Variants in GFRA2 observed in about 807,000 individuals in gnomAD.
GFRA2 encodes the protein GDNF family receptor alpha 2.
GFRA2 carries 17 observed loss-of-function variants against 48.3 expected under a neutral mutation model. That is an observed-to-expected ratio of 0.35 (90% CI 0.24 to 0.53). GFRA2 has a LOEUF of 0.53. Among genes scored for constraint, GFRA2 ranks in the 20% least tolerant of loss-of-function variants. The pLI is 0.93. For synonymous variants in GFRA2, 305 were observed against 257.2 expected, an observed-to-expected ratio of 1.19 and a Z score of -1.78; for missense variants, 660 against 637.3, an observed-to-expected ratio of 1.04 and a Z score of -0.38.
chr8:21,753,710 A>G (rs573656160), intron 3 of GFRA2, among the ~76,000 whole-genome samples: 1 of 152,346 alleles, frequency 6.6e-6, no homozygotes, highest in African/African-American at 2.4e-5. Context: ...GGTATTTTTG[A>G]TCTATGATGT....
Position 21,788,804 on chromosome 8 carries a change from G to C in GFRA2, c.-645C>G. On this transcript the variant is annotated 5_prime_UTR_variant, in exon 1 of 9. Coordinates refer to ENST00000524240, the MANE Select transcript of GFRA2 (RefSeq NM_001495.5). ...AGTGACCGTGTGTCTCTGCGTGCGT[G>C]TGTCTTTCTCTCTCCTCTCTCTCTC... 1 of 985,378 alleles carries C rather than the reference G, an allele frequency of 1.0e-6. No individual in the cohort carries two copies. The highest frequency in any genetic ancestry group is 1.2e-6 in the Non-Finnish European group (1 of 829,908). The allele number at this position is 985,378 out of a possible 1,614,324, so 61.0% of individuals were successfully genotyped here. A position where few individuals can be genotyped will look rare whatever the true frequency, so the allele number is the denominator to read the frequency against.
intron 2 of GFRA2, among the ~76,000 whole-genome samples, chr8:21,777,765 C>A (rs1806779505): frequency 6.6e-6 from 1 of 152,178 alleles, no homozygotes; most frequent in African/African-American, 2.4e-5. Context: ...GAAAAGGGAC[C>A]TGGATAAGGA....
intron 1 of GFRA2, chr8:21,783,216 G>A (rs1337245034): frequency 3.9e-6 from 2 of 511,632 alleles, no homozygotes; most frequent in South Asian, 1.7e-5. Context: ...GAGCCCAGAG[G>A]AGAATGTCAC....
At chr8:21,694,873 T>C (rs1239918851) in intron 7 of GFRA2, among the ~76,000 whole-genome samples, 1 of 152,216 alleles carries the variant, frequency 6.6e-6, no homozygotes, top group Non-Finnish European at 1.5e-5. Context: ...GTCTGGTTCA[T>C]AACAACAACT....
At chr8:21,739,762 G>C (rs1454252597) in intron 4 of GFRA2, among the ~76,000 whole-genome samples, 1 of 152,188 alleles carries the variant, frequency 6.6e-6, no homozygotes, top group African/African-American at 2.4e-5. Flanking sequence ...GCAGGAGCCA[G>C]GGGCACCTCT....
chr8:21,743,075 G>A (rs527978891), intron 4 of GFRA2, among the ~76,000 whole-genome samples: 10 of 152,148 alleles, frequency 6.6e-5, no homozygotes, highest in South Asian at 2.1e-4. Context: ...TCAACATGTC[G>A]CGGGAAATTC....
At chr8:21,715,903 G>C (rs1196096501) in intron 4 of GFRA2, among the ~76,000 whole-genome samples, 1 of 152,216 alleles carries the variant, frequency 6.6e-6, no homozygotes, top group Non-Finnish European at 1.5e-5. Context: ...ACGAGAGAGA[G>C]AGAGACCAAG....
intron 2 of GFRA2, among the ~76,000 whole-genome samples, chr8:21,795,573 A>C (rs1462228100): frequency 6.6e-6 from 1 of 151,980 alleles, no homozygotes; most frequent in Non-Finnish European, 1.5e-5. Context: ...TTGTATTTTT[A>C]GTAGAGACAG....
chr8:21,766,701 C>T (rs137995402), intron 3 of GFRA2, among the ~76,000 whole-genome samples: 7 of 148,462 alleles, frequency 4.7e-5, no homozygotes, highest in African/African-American at 1.8e-4. Flanking sequence ...CCCTGATGGT[C>T]GGAGCTGAGA....
Position 21,702,942 on chromosome 8 carries a change from C to T in GFRA2, c.1081G>A (p.Val361Met), listed in dbSNP as rs764265749. 10 of 1,552,838 alleles carry T rather than the reference C, an allele frequency of 6.4e-6. No individual in the cohort carries two copies. Among genetic ancestry groups the T allele is most frequent in the East Asian group, 4.6e-5 (2 of 43,252 alleles). Residue 361 changes from valine (V) to methionine (M), a missense_variant, in exon 7 of 9, where the codon GTG (valine) becomes ATG (methionine). Coordinates refer to ENST00000524240, the MANE Select transcript of GFRA2 (RefSeq NM_001495.5). ...GAGGGGCCTTTTGGGGACACGTTCA[C>T]GTCCGTGCCGTTGCCAAAGGCCTGG... ...AIQAFGNGTD[V>M]NVSPKGPSFQ...
chr8:21,755,478 C>A (rs1249394991), intron 3 of GFRA2, among the ~76,000 whole-genome samples: 1 of 152,204 alleles, frequency 6.6e-6, no homozygotes, highest in East Asian at 1.9e-4. Flanking sequence ...ATTAATATAT[C>A]TTTAATGAGG....
chr8:21,692,397 G>GGT lies in GFRA2; in HGVS notation c.*880_*881insAC, dbSNP rs1801918548. On this transcript the variant is annotated 3_prime_UTR_variant, in exon 9 of 9. Transcript: ENST00000524240. ...GGAGAAGACAGCAGGAAAGCTTGAG[G>GGT]GCCCACGGTGCTGCAGACACACACC... 6.6e-6 allele frequency: 1 copy of GGT among 152,046 alleles called. No individual in the cohort carries two copies. The highest frequency in any genetic ancestry group is 6.6e-5 in the Admixed American group (1 of 15,262). The allele number at this position is 152,046 out of a possible 1,614,324, so 9.4% of individuals were successfully genotyped here.
At position 21,810,959 on chromosome 8, in the gene GFRA2, A is replaced by G. The variant is rs1041826008; in HGVS notation, c.-148+1272T>C. On this transcript the variant is annotated intron_variant, in intron 1 of 10. Transcript: ENST00000517328. ...CACCTGGGGAGCCACCTGACCTCCC[A>G]TCAGGGAAAGGGGCTGCCTCTTGAC... is the stretch of plus-strand genomic sequence containing the variant. Among the ~76,000 whole-genome samples, 4 of 152,218 alleles carry G rather than the reference A, an allele frequency of 2.6e-5. No individual in the cohort carries two copies. The East Asian group carries it at 7.7e-4, about 29-fold the overall frequency.
At position 21,788,191 on chromosome 8, in the gene GFRA2, C is replaced by G; in HGVS notation, c.-32G>C. On this transcript the variant is annotated 5_prime_UTR_variant, in exon 1 of 9. Transcript: ENST00000524240. ...TAAATCCCACCGTTTTTTTGTCTTT[C>G]TCCCTTGGGTAAAAAAAAATAATAG... The G allele has an allele frequency of 1.3e-6, 2 of 1,598,300 alleles. No homozygotes were observed. Among genetic ancestry groups the G allele is most frequent in the Non-Finnish European group, 1.7e-6 (2 of 1,173,044 alleles).
chr8:21,757,132 G>A (rs11778586), intron 3 of GFRA2, among the ~76,000 whole-genome samples: 16,226 of 152,178 alleles, frequency 0.11, 959 homozygotes, highest in Middle Eastern at 0.24. Flanking sequence ...CCCGGGGAGC[G>A]CAGCCAGCTG....
chr8:21,798,954 C>T (rs1807723772), intron 2 of GFRA2, among the ~76,000 whole-genome samples: 3 of 152,338 alleles, frequency 2.0e-5, no homozygotes, highest in Non-Finnish European at 4.4e-5. Context: ...TCTGTTCGAA[C>T]ATGACCTACA....
intron 4 of GFRA2, among the ~76,000 whole-genome samples, chr8:21,711,491 G>T (rs995916860): frequency 6.6e-6 from 1 of 152,182 alleles, no homozygotes; most frequent in Non-Finnish European, 1.5e-5. Context: ...CTTGGCAGCT[G>T]TAGCCTGTTC....
rs1445919827 is a variant in GFRA2 at position 21,788,251 on chromosome 8, G to C, written c.-92C>G. ...CAACAATAATAATAGGCAAGCAGTG[G>C]TAATCAGCCCCAAATCCAATGCGGA... On this transcript the variant is annotated 5_prime_UTR_variant, in exon 1 of 9. Transcript: ENST00000524240. The C allele has an allele frequency of 4.6e-6, 7 of 1,532,760 alleles. No homozygotes were observed. The highest frequency in any genetic ancestry group is 6.1e-6 in the Non-Finnish European group (7 of 1,141,004). 94.9% of individuals were successfully genotyped at this position (1,532,760 alleles called of 1,614,324 possible).
At chr8:21,781,934 T>G (rs1319379229) in intron 2 of GFRA2, among the ~76,000 whole-genome samples, 1 of 152,258 alleles carries the variant, frequency 6.6e-6, no homozygotes, top group African/African-American at 2.4e-5. Flanking sequence ...TGGGGCCTGC[T>G]GCCTGCACAC....
Sources: allele counts gnomAD v4.1 joint callset (sites outside exome capture counted in the v4.1 genomes callset), GRCh38; gene constraint gnomAD v4.1.1; transcripts MANE v1.5; gene names NCBI Gene and HGNC (gene_info 2026-07-23, HGNC 2026-07-21).